The following CHRM3 variants were observed in gnomAD, a reference collection of about 807,000 sequenced individuals.
CHRM3 encodes the protein muscarinic acetylcholine receptor M3.
CHRM3 carries 11 observed loss-of-function variants against 41.8 expected under a neutral mutation model. That is an observed-to-expected ratio of 0.26 (90% CI 0.17 to 0.44). The LOEUF (loss-of-function observed/expected upper bound fraction) is 0.44. Among genes scored for constraint, CHRM3 ranks in the 20% least tolerant of loss-of-function variants. The probability of loss-of-function intolerance (pLI) is 1.00; values close to 1 mark genes in which losing one functional copy is unlikely to be tolerated. For synonymous variants in CHRM3, 297 were observed against 301.4 expected, an observed-to-expected ratio of 0.99 and a Z score of 0.15; for missense variants, 571 against 745.4, an observed-to-expected ratio of 0.77 and a Z score of 2.72.
intron 1 of CHRM3, among the ~76,000 whole-genome samples, chr1:239,456,560 G>A (rs1664951107): frequency 6.6e-6 from 1 of 152,122 alleles, no homozygotes; most frequent in Admixed American, 6.5e-5. Context: ...CATCTAAGGA[G>A]GCATTTCTCG....
At chr1:239,656,016 A>C (rs1174585245) in intron 4 of CHRM3, among the ~76,000 whole-genome samples, 1 of 152,208 alleles carries the variant, frequency 6.6e-6, no homozygotes, top group Non-Finnish European at 1.5e-5. Context: ...GGCAACATAG[A>C]TGTTGCTATT....
intron 4 of CHRM3, among the ~76,000 whole-genome samples, chr1:239,655,537 G>A (rs1465804800): frequency 6.6e-6 from 1 of 152,062 alleles, no homozygotes; most frequent in Non-Finnish European, 1.5e-5. Context: ...TTTTCATAGA[G>A]CCCCAAATTA....
chr1:239,896,164 G>T (rs146879502), intron 6 of CHRM3, among the ~76,000 whole-genome samples: 294 of 152,302 alleles, frequency 1.9e-3, no homozygotes, highest in African/African-American at 6.7e-3. Context: ...TGAGGTAACA[G>T]GAATATGTGC....
intron 5 of CHRM3, among the ~76,000 whole-genome samples, chr1:239,822,208 G>T (rs778468999): frequency 7.9e-5 from 12 of 152,142 alleles, no homozygotes; most frequent in Non-Finnish European, 1.3e-4. Flanking sequence ...CGAAAGTATG[G>T]CCCCACAACC....
intron 5 of CHRM3, among the ~76,000 whole-genome samples, chr1:239,700,303 T>C (rs1660567233): frequency 6.6e-6 from 1 of 152,178 alleles, no homozygotes; most frequent in African/African-American, 2.4e-5. Flanking sequence ...CCATTCCGTC[T>C]ATAACATCTT....
At chr1:239,435,478 G>GA (rs1318057650) in intron 1 of CHRM3, among the ~76,000 whole-genome samples, 1 of 149,054 alleles carries the variant, frequency 6.7e-6, no homozygotes, top group African/African-American at 2.5e-5. Context: ...AAAAAAAGAA[G>GA]AAAAAATCTT....
intron 3 of CHRM3, chr1:239,629,490 C>G (rs1348194027): frequency 6.5e-6 from 1 of 154,434 alleles, no homozygotes; most frequent in Non-Finnish European, 1.4e-5. Context: ...GAGCTGTAGA[C>G]CGGAGCTGTT....
chr1:239,846,585 AT>A (rs1674284393), intron 6 of CHRM3, among the ~76,000 whole-genome samples: 2 of 152,210 alleles, frequency 1.3e-5, no homozygotes, highest in South Asian at 4.1e-4. Context: ...TGGAGAATTC[AT>A]GGTAAATGCT....
rs10157688 is a variant in CHRM3 at position 239,913,061 on chromosome 1, T to C, written c.*3837T>C. On this transcript the variant is annotated 3_prime_UTR_variant, in exon 7 of 7. Transcript: ENST00000676153. ...AGCAGCTACCATGACGAAAGTAAAA[T>C]GGTATATTGGGTGAATGTTTGAAAA... 2.8e-4 allele frequency: 47 copies of C among 167,018 alleles called. 1 individual carries two copies. Among genetic ancestry groups the C allele is most frequent in the Non-Finnish European group, 1.5e-5 (1 of 68,116 alleles). 10.3% of individuals were successfully genotyped at this position (167,018 alleles called of 1,614,324 possible). A position where few individuals can be genotyped will look rare whatever the true frequency, so the allele number is the denominator to read the frequency against.
chr1:239,415,931 A>G (rs1004783950), intron 1 of CHRM3, among the ~76,000 whole-genome samples: 3 of 152,346 alleles, frequency 2.0e-5, no homozygotes, highest in Admixed American at 6.5e-5. Context: ...TGTTTGCCAT[A>G]GATTTTCTTA....
chr1:239,457,587 CA>C (rs1665048062), intron 1 of CHRM3, among the ~76,000 whole-genome samples: 1 of 152,064 alleles, frequency 6.6e-6, no homozygotes, highest in African/African-American at 2.4e-5. Flanking sequence ...TATTTGCAAG[CA>C]AAGCCATAGT....
intron 3 of CHRM3, among the ~76,000 whole-genome samples, chr1:239,586,492 C>T (rs1663414203): frequency 6.6e-6 from 1 of 152,124 alleles, no homozygotes. Context: ...TTTTAGATAA[C>T]TCTTGGAACC....
At chr1:239,577,587 A>G (rs752753805) in intron 3 of CHRM3, among the ~76,000 whole-genome samples, 3 of 152,196 alleles carry the variant, frequency 2.0e-5, no homozygotes, top group Non-Finnish European at 2.9e-5. Flanking sequence ...GCTCATAGCA[A>G]TTCTTAACAC....
intron 1 of CHRM3, among the ~76,000 whole-genome samples, chr1:239,486,881 G>A (rs963026129): frequency 6.6e-6 from 1 of 152,130 alleles, no homozygotes; most frequent in African/African-American, 2.4e-5. Flanking sequence ...TTTCCTGGAT[G>A]GGGCCAAATG....
intron 3 of CHRM3, among the ~76,000 whole-genome samples, chr1:239,570,521 A>G (rs1187811079): frequency 6.6e-6 from 1 of 152,150 alleles, no homozygotes; most frequent in Non-Finnish European, 1.5e-5. Flanking sequence ...TTATTTTCTC[A>G]TGTTTGTTAC....
intron 2 of CHRM3, among the ~76,000 whole-genome samples, chr1:239,503,140 T>C (rs1017894146): frequency 1.3e-5 from 2 of 152,162 alleles, no homozygotes; most frequent in African/African-American, 4.8e-5. Context: ...GTTGAAGATA[T>C]GATCATTTAC....
chr1:239,502,048 C>T (rs565761617), intron 2 of CHRM3, among the ~76,000 whole-genome samples: 5 of 151,960 alleles, frequency 3.3e-5, no homozygotes, highest in African/African-American at 9.7e-5. Context: ...CAAACCCAAA[C>T]CCAGCAGAAG....
chr1:239,670,872 T>C (rs928298913), intron 4 of CHRM3, among the ~76,000 whole-genome samples: 6 of 152,162 alleles, frequency 3.9e-5, no homozygotes, highest in African/African-American at 1.2e-4. Context: ...TGCAAGTTTC[T>C]GAGTAGACTT....
rs367567825 is a variant in CHRM3, at chr1:239,910,315, A to ATGTG, written c.*1093_*1096dup. The ATGTG allele has an allele frequency of 7.7e-5, 12 of 156,264 alleles. No individual in the cohort carries two copies. Among genetic ancestry groups the ATGTG allele is most frequent in the South Asian group, 2.1e-4 (1 of 4,670 alleles). 9.7% of individuals were successfully genotyped at this position (156,264 alleles called of 1,614,324 possible). A position where few individuals can be genotyped will look rare whatever the true frequency, so the allele number is the denominator to read the frequency against. On this transcript the variant is annotated 3_prime_UTR_variant, in exon 7 of 7. Coordinates refer to ENST00000676153, the MANE Select transcript of CHRM3 (RefSeq NM_001375978.1). ...ATGTCATACACAGCAATATATATAT[A>ATGTG]TGTGTATATATATATATATGGCAAA...
Sources: allele counts gnomAD v4.1 joint callset (sites outside exome capture counted in the v4.1 genomes callset), GRCh38; gene constraint gnomAD v4.1.1; transcripts MANE v1.5; gene names NCBI Gene and HGNC (gene_info 2026-07-23, HGNC 2026-07-21).